Variants in LINC00632 observed in about 807,000 individuals in gnomAD.
LINC00632 encodes the protein long independently transcribed non-coding RNA 632, also known as ALDOA related specific transcript.
exon 5 of LINC00632, among the ~76,000 whole-genome samples, chrX:140,781,959 G>A (rs780609663): frequency 5.4e-5 from 6 of 111,678 alleles, no homozygotes; most frequent in Admixed American, 9.5e-5. Flanking sequence ...CAGTTCTCTC[G>A]ACCTAGATAC....
chrX:140,761,729 T>C (rs1931597263), intron 3 of LINC00632, among the ~76,000 whole-genome samples: 1 of 112,753 alleles, frequency 8.9e-6, no homozygotes, highest in African/African-American at 3.2e-5. Flanking sequence ...CATGTTTAGA[T>C]AAACATTAAT....
chrX:140,726,547 T>G (rs759407168), intron 2 of LINC00632, among the ~76,000 whole-genome samples: 19 of 111,825 alleles, frequency 1.7e-4, no homozygotes, highest in African/African-American at 6.2e-4. Flanking sequence ...AGCTCACACT[T>G]GTCACCCAAT....
At chrX:140,748,156 G>A (rs773268389) in intron 3 of LINC00632, among the ~76,000 whole-genome samples, 18 of 111,802 alleles carry the variant, frequency 1.6e-4, no homozygotes, top group Non-Finnish European at 3.2e-4. Context: ...GACCAGAGTA[G>A]ACAGTGGATG....
chrX:140,713,184 T>C (rs1930553955), intron 2 of LINC00632, among the ~76,000 whole-genome samples: 1 of 110,922 alleles, frequency 9.0e-6, no homozygotes, highest in Non-Finnish European at 1.9e-5. Context: ...GCATTTTTTT[T>C]TTTTTAAATA....
chrX:140,783,751 A>C, exon 5 of LINC00632: 1 of 1,210,696 alleles, frequency 8.3e-7, no homozygotes, highest in Non-Finnish European at 1.1e-6. Flanking sequence ...GAAAAAATCC[A>C]GGTCTTCCAG....
chrX:140,784,059 G>A (rs368588046), exon 5 of LINC00632: 4 of 1,208,070 alleles, frequency 3.3e-6, no homozygotes, highest in African/African-American at 3.5e-5. Context: ...CAGGAAATCC[G>A]TGTCTTCCAG....
chrX:140,758,350 G>GATGTATGA (rs1202337096), intron 3 of LINC00632, among the ~76,000 whole-genome samples: 1 of 104,041 alleles, frequency 9.6e-6, no homozygotes, highest in Middle Eastern at 4.6e-3. Context: ...GTGTAAAAAT[G>GATGTATGA]ATGTATGAAA....
chrX:140,762,455 T>C (rs1005365656), intron 3 of LINC00632, among the ~76,000 whole-genome samples: 2 of 112,514 alleles, frequency 1.8e-5, no homozygotes, highest in Non-Finnish European at 3.7e-5. Flanking sequence ...ATGGTCTTTT[T>C]CTTTTGACTG....
exon 5 of LINC00632, chrX:140,784,697 T>C (rs1931990957): frequency 3.9e-6 from 1 of 255,149 alleles, no homozygotes. Flanking sequence ...TCTTCCAGCC[T>C]TTCCCCAGGT....
intron 3 of LINC00632, among the ~76,000 whole-genome samples, chrX:140,750,739 G>A (rs1301180572): frequency 1.8e-5 from 2 of 110,582 alleles, no homozygotes; most frequent in African/African-American, 6.6e-5. Flanking sequence ...AGTGTACACT[G>A]TACCTAATAT....
chrX:140,774,988 G>C, exon 5 of LINC00632, among the ~76,000 whole-genome samples: 1 of 111,786 alleles, frequency 8.9e-6, no homozygotes, highest in Non-Finnish European at 1.9e-5. Context: ...GATTAGTTTG[G>C]TATAAGTTAA....
At chrX:140,720,525 C>T (rs1309332970) in intron 2 of LINC00632, among the ~76,000 whole-genome samples, 2 of 111,752 alleles carry the variant, frequency 1.8e-5, no homozygotes, top group African/African-American at 6.5e-5. Context: ...TTTCTTGCTC[C>T]ATAACACCAA....
chrX:140,723,478 C>T (rs111220881), intron 2 of LINC00632, among the ~76,000 whole-genome samples: 305 of 3,383 alleles, frequency 0.09, no homozygotes, highest in African/African-American at 0.18. Context: ...CATACACATA[C>T]ACACACATTC....
At chrX:140,720,644 G>A in intron 2 of LINC00632, among the ~76,000 whole-genome samples, 1 of 111,763 alleles carries the variant, frequency 8.9e-6, no homozygotes, top group East Asian at 2.8e-4. Context: ...ACTTCTCCAA[G>A]CCACACAGAA....
At position 140,783,540 on chromosome X, in the gene LINC00632, T is replaced by C. The variant is rs914942902; in HGVS notation, n.11559T>C. 50 of 1,158,870 alleles carry C rather than the reference T, an allele frequency of 4.3e-5. 1 individual carries two copies. Among genetic ancestry groups the C allele is most frequent in the Non-Finnish European group, 5.5e-5 (48 of 865,580 alleles). Reference sequence around the variant, plus strand: ...AGAAAAATCTGTGTCTTCCACCAAATCCAAGTCTTCCAGTAAATCTAGTTC... The same window carrying C: ...AGAAAAATCTGTGTCTTCCACCAAACCCAAGTCTTCCAGTAAATCTAGTTC... On this transcript the variant is annotated non_coding_transcript_exon_variant, in exon 5 of 5. Coordinates refer to ENST00000648200, the Ensembl canonical transcript of LINC00632.
At position 140,723,452 on chromosome X, in the gene LINC00632, CCA is replaced by C. The variant is rs371462718; in HGVS notation, n.105-10415_105-10414del. ...CACATTCCATACATACACACACATT[CCA>C]CACACACACATTCCATACACATACA... On this transcript the variant is annotated intron_variant and non_coding_transcript_variant, in intron 2 of 4. Coordinates refer to ENST00000648200, the Ensembl canonical transcript of LINC00632. Among the ~76,000 whole-genome samples, 6 of 9,434 alleles carry C rather than the reference CCA, an allele frequency of 6.4e-4. 1 individual carries two copies. The highest frequency in any genetic ancestry group is 7.8e-4 in the African/African-American group (5 of 6,400). 8.2% of individuals were successfully genotyped at this position (9,434 alleles called of 115,157 possible).
At chrX:140,719,816 G>A (rs971700584) in intron 2 of LINC00632, among the ~76,000 whole-genome samples, 3 of 108,755 alleles carry the variant, frequency 2.8e-5, no homozygotes, top group Non-Finnish European at 5.7e-5. Flanking sequence ...CAGGCCAGGT[G>A]TGGTGGCTCA....
In LINC00632 at chrX:140,710,054, A is replaced by C. The variant is rs141800797; in HGVS notation, n.68+249A>C. On this transcript the variant is annotated intron_variant and non_coding_transcript_variant, in intron 1 of 4. Transcript: ENST00000648200. The stretch of plus-strand genomic sequence containing the variant: ...AACTTTCCCCTTGTGATTCTTGTAA[A>C]ATATTTCCTAAAATAAGATTTAATG... Among the ~76,000 whole-genome samples, 322 of 112,193 alleles carry C rather than the reference A, an allele frequency of 2.9e-3. 3 individuals carry two copies. The highest frequency in any genetic ancestry group is 0.026 in the East Asian group (92 of 3,583).
intron 3 of LINC00632, among the ~76,000 whole-genome samples, chrX:140,770,624 G>A (rs911012221): frequency 9.0e-6 from 1 of 111,432 alleles, no homozygotes; most frequent in Non-Finnish European, 1.9e-5. Context: ...TTCCTCCCTC[G>A]ACAAAACATA....
Sources: allele counts gnomAD v4.1 joint callset (sites outside exome capture counted in the v4.1 genomes callset), GRCh38; gene constraint gnomAD v4.1.1; transcripts MANE v1.5; gene names NCBI Gene and HGNC (gene_info 2026-07-23, HGNC 2026-07-21).